The following LRRC4C variants were observed in gnomAD, a reference collection of about 807,000 sequenced individuals.
LRRC4C encodes the protein leucine-rich repeat-containing protein 4C.
In LRRC4C, 5 loss-of-function variants were observed where a neutral mutation model predicts 33.6. The ratio of observed to expected loss-of-function variants is 0.15; its 90% CI spans 0.08 to 0.31. LRRC4C has a LOEUF of 0.31. LRRC4C is among the 10% of genes least tolerant of loss of function. LRRC4C has a pLI of 1.00. For synonymous variants in LRRC4C, 329 were observed against 302.0 expected, an observed-to-expected ratio of 1.09 and a Z score of -0.93; for missense variants, 560 against 796.7, an observed-to-expected ratio of 0.70 and a Z score of 3.58.
intron 1 of LRRC4C, among the ~76,000 whole-genome samples, chr11:41,449,918 C>T (rs1315542115): frequency 2.6e-5 from 4 of 152,086 alleles, no homozygotes; most frequent in Non-Finnish European, 5.9e-5. Flanking sequence ...TCCTATGAAA[C>T]TACCTGGCAA....
At position 41,419,611 on chromosome 11, in the gene LRRC4C, T is replaced by G. The variant is rs150691495; in HGVS notation, c.-496+39820A>C. ...AATGCCAAGAGTTTCAAGTTTTTAATGACAATAATAAAAGCTACCACTTAC... is the reference window on the plus strand; with the variant it reads ...AATGCCAAGAGTTTCAAGTTTTTAAGGACAATAATAAAAGCTACCACTTAC... On this transcript the variant is annotated intron_variant, in intron 1 of 6. Transcript: ENST00000528697. Among the ~76,000 whole-genome samples, 508 of 152,064 alleles carry G rather than the reference T, an allele frequency of 3.3e-3. 6 individuals are homozygous for G. Among genetic ancestry groups the G allele is most frequent in the African/African-American group, 0.012 (490 of 41,514 alleles).
intron 1 of LRRC4C, among the ~76,000 whole-genome samples, chr11:41,268,119 C>A (rs908972556): frequency 6.6e-6 from 1 of 152,118 alleles, no homozygotes; most frequent in African/African-American, 2.4e-5. Flanking sequence ...CTACACTACA[C>A]AATGTCACAT....
chr11:41,365,261 T>C (rs1265342300), intron 1 of LRRC4C, among the ~76,000 whole-genome samples: 3 of 151,956 alleles, frequency 2.0e-5, no homozygotes, highest in Admixed American at 1.3e-4. Context: ...GTGCTCCTTA[T>C]GAGAATCTAA....
At position 40,987,285 on chromosome 11, in the gene LRRC4C, A is replaced by G. The variant is rs544853122; in HGVS notation, c.-495-53562T>C. On this transcript the variant is annotated intron_variant, in intron 1 of 6. Transcript: ENST00000528697. Reference sequence around the variant, plus strand: ...CCTACAAGTTTGCCAGACTCTTGATATAAACTGGATATTTATTATTAAACA... The same window carrying G: ...CCTACAAGTTTGCCAGACTCTTGATGTAAACTGGATATTTATTATTAAACA... Among the ~76,000 whole-genome samples the G allele has an allele frequency of 2.6e-5, 4 of 152,284 alleles. No homozygotes were observed. The South Asian group carries it at 6.2e-4, about 24-fold the overall frequency.
chr11:40,473,338 C>A (rs974902091), intron 3 of LRRC4C, among the ~76,000 whole-genome samples: 6 of 152,094 alleles, frequency 3.9e-5, no homozygotes, highest in Non-Finnish European at 8.8e-5. Context: ...ATAAACAGAA[C>A]AAATGACAAA....
chr11:40,893,469 G>A (rs1187385857), intron 2 of LRRC4C, among the ~76,000 whole-genome samples: 2 of 151,858 alleles, frequency 1.3e-5, no homozygotes, highest in African/African-American at 4.8e-5. Context: ...TTTCAAGCAT[G>A]TATCAAAATA....
chr11:40,607,564 T>C (rs1960757982), intron 3 of LRRC4C, among the ~76,000 whole-genome samples: 2 of 152,116 alleles, frequency 1.3e-5, no homozygotes, highest in Admixed American at 1.3e-4. Flanking sequence ...GAGAAGAGCT[T>C]GGCTGCTGAG....
chr11:41,227,940 C>T (rs1947615613), intron 1 of LRRC4C, among the ~76,000 whole-genome samples: 1 of 151,798 alleles, frequency 6.6e-6, no homozygotes, highest in Non-Finnish European at 1.5e-5. Context: ...AACATGTATA[C>T]TTAACAGTTG....
chr11:41,085,928 CAAAAAA>C lies in LRRC4C; in HGVS notation c.-495-152211_-495-152206del, dbSNP rs10717008. 1.0e-4 allele frequency among the ~76,000 whole-genome samples: 8 copies of C among 80,192 alleles called. No individual in the cohort carries two copies. The East Asian group carries it at 1.7e-3, about 17-fold the overall frequency. The allele number at this position is 80,192 out of a possible 152,430, so 52.6% of individuals were successfully genotyped here. ...GATTCATAAGTGATTTTTAAGACAC[CAAAAAA>C]AAAAAAAAAAAAAAAAAAGAAAGAA... On this transcript the variant is annotated intron_variant, in intron 1 of 6. Coordinates refer to ENST00000528697, the MANE Select transcript of LRRC4C (RefSeq NM_001258419.2).
intron 2 of LRRC4C, among the ~76,000 whole-genome samples, chr11:40,717,749 C>T (rs1478288480): frequency 1.3e-5 from 2 of 152,144 alleles, no homozygotes; most frequent in African/African-American, 4.8e-5. Context: ...TCCGATCAGG[C>T]ACAAACAGCT....
intron 1 of LRRC4C, among the ~76,000 whole-genome samples, chr11:41,209,604 C>T (rs1946738110): frequency 6.7e-6 from 1 of 149,452 alleles, no homozygotes; most frequent in Non-Finnish European, 1.5e-5. Flanking sequence ...GAGATTGCAC[C>T]ACTGCACTCC....
chr11:40,355,473 G>A (rs539336553), intron 3 of LRRC4C, among the ~76,000 whole-genome samples: 11 of 152,264 alleles, frequency 7.2e-5, no homozygotes, highest in African/African-American at 2.6e-4. Flanking sequence ...CTATGGTGGT[G>A]GGGCTAACTG....
intron 3 of LRRC4C, among the ~76,000 whole-genome samples, chr11:40,578,499 CCT>C (rs1958320027): frequency 6.6e-6 from 1 of 151,814 alleles, no homozygotes; most frequent in African/African-American, 2.4e-5. Context: ...AGATGACTTA[CCT>C]CTCTTTTTTC....
rs550734566 is a variant in LRRC4C at position 41,157,703 on chromosome 11, G to C, written c.-495-223980C>G. Among the ~76,000 whole-genome samples, 3 of 152,016 alleles carry C rather than the reference G, an allele frequency of 2.0e-5. No homozygotes were observed. The South Asian group carries it at 6.2e-4, about 32-fold the overall frequency. On this transcript the variant is annotated intron_variant, in intron 1 of 6. Coordinates refer to ENST00000528697, the MANE Select transcript of LRRC4C (RefSeq NM_001258419.2). ...ACAGCTTTATTCCCTTCTGAATTGG[G>C]CTTTGATATGATTTTGTATTAGATA...
intron 2 of LRRC4C, among the ~76,000 whole-genome samples, chr11:40,668,400 G>A (rs1943924917): frequency 6.6e-6 from 1 of 152,150 alleles, no homozygotes; most frequent in African/African-American, 2.4e-5. Context: ...TAGAAAGAGA[G>A]AGAAACACAC....
intron 1 of LRRC4C, among the ~76,000 whole-genome samples, chr11:41,401,395 T>C (rs1347014517): frequency 6.6e-6 from 1 of 151,808 alleles, no homozygotes; most frequent in African/African-American, 2.4e-5. Flanking sequence ...AATAAGAAAT[T>C]TTCTTCTTGT....
rs536066219 is a variant in LRRC4C, at chr11:40,162,575, G to A, written c.-95-21722C>T. Among the ~76,000 whole-genome samples the A allele has an allele frequency of 1.4e-4, 22 of 152,144 alleles. No individual in the cohort carries two copies. The South Asian group carries it at 3.9e-3, about 27-fold the overall frequency. ...CTTGTATAGTACTCTCCACCTCCCCGTTAGATGGTAAGGTACATAAAGAAA... is the reference window on the plus strand; with the variant it reads ...CTTGTATAGTACTCTCCACCTCCCCATTAGATGGTAAGGTACATAAAGAAA... On this transcript the variant is annotated intron_variant, in intron 5 of 6. Coordinates refer to ENST00000528697, the MANE Select transcript of LRRC4C (RefSeq NM_001258419.2).
intron 2 of LRRC4C, among the ~76,000 whole-genome samples, chr11:40,773,645 T>A (rs553590441): frequency 6.6e-6 from 1 of 152,022 alleles, no homozygotes; most frequent in South Asian, 2.1e-4. Context: ...GAAAAGAACA[T>A]CCCAATGAAG....
At chr11:41,176,692 G>A (rs563041509) in intron 1 of LRRC4C, among the ~76,000 whole-genome samples, 2 of 152,292 alleles carry the variant, frequency 1.3e-5, no homozygotes, top group South Asian at 4.1e-4. Context: ...GGGTCTAGGA[G>A]TAGGAATGAA....
Sources: allele counts gnomAD v4.1 joint callset (sites outside exome capture counted in the v4.1 genomes callset), GRCh38; gene constraint gnomAD v4.1.1; transcripts MANE v1.5; gene names NCBI Gene and HGNC (gene_info 2026-07-23, HGNC 2026-07-21).